Variants in GALNT17 observed in about 807,000 individuals in gnomAD.
GALNT17 encodes UDP-GalNAc:polypeptide N-acetylgalactosaminyltransferase-like 3.
GALNT17 carries 29 observed loss-of-function variants against 63.7 expected under a neutral mutation model. The ratio of observed to expected loss-of-function variants is 0.46; its 90% CI spans 0.34 to 0.62. The LOEUF is 0.62. Ranked by LOEUF, GALNT17 falls within the 20% of genes least tolerant of loss-of-function variation. GALNT17 has a pLI of 0.01. For missense variants in GALNT17, 603 were observed against 799.6 expected, an observed-to-expected ratio of 0.75 and a Z score of 2.97; for synonymous variants, 305 against 318.3, an observed-to-expected ratio of 0.96 and a Z score of 0.45.
At chr7:71,468,083 AAAGGC>A in intron 5 of GALNT17, among the ~76,000 whole-genome samples, 1 of 152,252 alleles carries the variant, frequency 6.6e-6, no homozygotes, top group South Asian at 2.1e-4. Context: ...GCTGGAGTGC[AAAGGC>A]GTGACTGTAC....
intron 1 of GALNT17, among the ~76,000 whole-genome samples, chr7:71,270,262 T>A (rs2115689532): frequency 6.6e-6 from 1 of 152,216 alleles, no homozygotes; most frequent in East Asian, 1.9e-4. Context: ...TCCCCCCTTG[T>A]ATCTCCTCTA....
At chr7:71,414,738 C>T (rs772718101) in intron 3 of GALNT17, among the ~76,000 whole-genome samples, 14 of 152,168 alleles carry the variant, frequency 9.2e-5, no homozygotes, top group African/African-American at 1.7e-4. Context: ...TGGTGCCCAG[C>T]GCTCAGCATT....
At chr7:71,507,997 G>A (rs1340516345) in intron 5 of GALNT17, among the ~76,000 whole-genome samples, 3 of 152,158 alleles carry the variant, frequency 2.0e-5, no homozygotes, top group Non-Finnish European at 4.4e-5. Flanking sequence ...AAAATATTAA[G>A]TATTTTAAGC....
chr7:71,555,121 A>C (rs1195723263), intron 5 of GALNT17, among the ~76,000 whole-genome samples: 1 of 151,916 alleles, frequency 6.6e-6, no homozygotes, highest in East Asian at 1.9e-4. Context: ...ATCTTGCTGA[A>C]CTCATTACCA....
intron 1 of GALNT17, among the ~76,000 whole-genome samples, chr7:71,168,395 A>G (rs1229844719): frequency 6.6e-6 from 1 of 152,078 alleles, no homozygotes; most frequent in Non-Finnish European, 1.5e-5. Flanking sequence ...AACATGGTGA[A>G]GCCCCGTCTC....
intron 5 of GALNT17, among the ~76,000 whole-genome samples, chr7:71,535,725 G>T (rs567525609): frequency 6.6e-6 from 1 of 152,208 alleles, no homozygotes; most frequent in East Asian, 1.9e-4. Context: ...AGGAAGAGTG[G>T]CTAACATGAA....
intron 6 of GALNT17, among the ~76,000 whole-genome samples, chr7:71,617,310 C>CA (rs1554316139): frequency 1.2e-4 from 13 of 111,754 alleles, no homozygotes; most frequent in Non-Finnish European, 1.8e-4. Flanking sequence ...TTTGCAGGGG[C>CA]GGGGGGGGTT....
chr7:71,684,510 C>T (rs963661520), intron 9 of GALNT17, among the ~76,000 whole-genome samples: 1 of 152,112 alleles, frequency 6.6e-6, no homozygotes, highest in Non-Finnish European at 1.5e-5. Context: ...GTGTTCCAGC[C>T]CCTGCCTAGG....
Position 71,482,079 on chromosome 7 carries a change from A to ATGTGTGTGTGTGTGTGTG in GALNT17, c.962+60975_962+60976insGTGTGTGTGTGTGTGTGT, listed in dbSNP as rs371371505. ...TTGATGTATAGGTATACATATATGT[A>ATGTGTGTGTGTGTGTGTG]TATGTGTGTGTGTGTGTGTGTGTGT... On this transcript the variant is annotated intron_variant, in intron 5 of 10. Coordinates refer to ENST00000333538, the MANE Select transcript of GALNT17 (RefSeq NM_022479.3). Among the ~76,000 whole-genome samples the ATGTGTGTGTGTGTGTGTG allele has an allele frequency of 3.4e-4, 46 of 136,882 alleles. 2 individuals are homozygous for ATGTGTGTGTGTGTGTGTG. The South Asian group carries it at 8.7e-3, about 26-fold the overall frequency. 89.8% of individuals were successfully genotyped at this position (136,882 alleles called of 152,430 possible).
At chr7:71,475,192 A>G (rs1354108098) in intron 5 of GALNT17, among the ~76,000 whole-genome samples, 2 of 152,236 alleles carry the variant, frequency 1.3e-5, no homozygotes, top group African/African-American at 2.4e-5. Context: ...GACTGGCTTC[A>G]TGGAAGATAG....
intron 3 of GALNT17, among the ~76,000 whole-genome samples, chr7:71,405,019 T>C (rs1005724804): frequency 6.6e-6 from 1 of 152,212 alleles, no homozygotes; most frequent in African/African-American, 2.4e-5. Flanking sequence ...GGGATCATCA[T>C]ACTGGTGCTT....
At chr7:71,272,104 G>GAAACGGAATCATGC (rs1321155378) in intron 1 of GALNT17, among the ~76,000 whole-genome samples, 1 of 152,180 alleles carries the variant, frequency 6.6e-6, no homozygotes, top group African/African-American at 2.4e-5. Context: ...TCATACATTG[G>GAAACGGAATCATGC]AAATGGAATC....
intron 1 of GALNT17, among the ~76,000 whole-genome samples, chr7:71,264,728 A>G (rs532853234): frequency 1.6e-4 from 24 of 152,104 alleles, no homozygotes; most frequent in Non-Finnish European, 3.1e-4. Flanking sequence ...AGTCGGGCAC[A>G]GAAAAGAACA....
intron 1 of GALNT17, among the ~76,000 whole-genome samples, chr7:71,245,131 A>C (rs889320862): frequency 2.6e-5 from 4 of 152,084 alleles, no homozygotes; most frequent in Admixed American, 1.3e-4. Context: ...GGTTGAAATA[A>C]TTACGTTCTA....
intron 1 of GALNT17, among the ~76,000 whole-genome samples, chr7:71,278,367 C>T (rs577112187): frequency 7.2e-5 from 11 of 152,308 alleles, no homozygotes; most frequent in African/African-American, 2.4e-4. Flanking sequence ...TGGCAGACCA[C>T]GCTCCTTCTG....
Position 71,175,531 on chromosome 7 carries a change from G to A in GALNT17, c.238+42491G>A, listed in dbSNP as rs547514590. Among the ~76,000 whole-genome samples the A allele has an allele frequency of 7.9e-5, 12 of 152,266 alleles. No homozygotes were observed. In the East Asian group the frequency reaches 2.1e-3, roughly 27 times the overall value. On this transcript the variant is annotated intron_variant, in intron 1 of 10. Coordinates refer to ENST00000333538, the MANE Select transcript of GALNT17 (RefSeq NM_022479.3). ...CTTGTGTCTTAGAGGGTCCCTCTGG[G>A]AGGAACATGGAGGATGAAATAAAGA...
chr7:71,683,778 C>A (rs1013446227), intron 9 of GALNT17, among the ~76,000 whole-genome samples: 2 of 152,024 alleles, frequency 1.3e-5, no homozygotes, highest in African/African-American at 4.8e-5. Context: ...GAGGCCAAGG[C>A]GGGTGGATCA....
intron 5 of GALNT17, among the ~76,000 whole-genome samples, chr7:71,536,782 A>C (rs547924004): frequency 3.9e-4 from 59 of 152,332 alleles, no homozygotes; most frequent in African/African-American, 1.4e-3. Flanking sequence ...GACAGCAATA[A>C]AGATAAGTTC....
chr7:71,393,735 T>A (rs1473973897), intron 3 of GALNT17, among the ~76,000 whole-genome samples: 1 of 152,196 alleles, frequency 6.6e-6, no homozygotes, highest in Admixed American at 6.5e-5. Flanking sequence ...ATTTTGTTTT[T>A]ATTTTAAGTC....
Sources: gnomAD v4.1 joint callset for allele counts (sites outside exome capture counted in the v4.1 genomes callset) on GRCh38, gnomAD v4.1.1 for gene constraint, MANE v1.5 for transcripts, NCBI Gene and HGNC (gene_info 2026-07-23, HGNC 2026-07-21) for gene names.